The following OSBPL2 variants were observed in gnomAD, a reference collection of about 807,000 sequenced individuals.
OSBPL2 encodes the protein oxysterol binding protein like 2.
In OSBPL2, 18 loss-of-function variants were observed where a neutral mutation model predicts 58.4. The observed-to-expected ratio is 0.31, with a 90% CI of 0.21 to 0.46. OSBPL2 has a LOEUF of 0.46. Among genes scored for constraint, OSBPL2 ranks in the 20% least tolerant of loss-of-function variants. The pLI, the probability that OSBPL2 is intolerant of heterozygous loss-of-function variation, is 1.00. For missense variants in OSBPL2, 461 were observed against 616.5 expected, an observed-to-expected ratio of 0.75 and a Z score of 2.67; for synonymous variants, 221 against 234.1, an observed-to-expected ratio of 0.94 and a Z score of 0.51.
intron 1 of OSBPL2, among the ~76,000 whole-genome samples, chr20:62,245,653 T>G (rs1980054936): frequency 6.6e-6 from 1 of 152,220 alleles, no homozygotes; most frequent in African/African-American, 2.4e-5. Flanking sequence ...AAGGTCACTC[T>G]TGATTCCATC....
chr20:62,279,180 T>C lies in OSBPL2; in HGVS notation c.515T>C (p.Ile172Thr). Residue 172 changes from isoleucine to threonine, a missense_variant, in exon 7 of 14, where the codon ATA becomes ACA. Physicochemically the swap from Ile to Thr is moderately conservative, Grantham distance 89. Around this residue, in one of 5 missense-constraint regions of OSBPL2, gnomAD observed 319 missense variants for 419.2 expected, o/e 0.76. Transcript: ENST00000313733. ...AGGGAAGATTTAGGATTCAGATTTA[T>C]ATCGGAACAGGTCAGTCACCACCCC... Reference protein sequence around the residue: ...LIREDLGFRFISEQVSHHPPI... With the variant: ...LIREDLGFRFTSEQVSHHPPI... 1 of 1,613,330 alleles carries C rather than the reference T, an allele frequency of 6.2e-7. No homozygotes were observed. Among genetic ancestry groups the C allele is most frequent in the Non-Finnish European group, 8.5e-7 (1 of 1,179,598 alleles).
At chr20:62,250,822 G>GGC (rs1454163325) in intron 1 of OSBPL2, among the ~76,000 whole-genome samples, 2 of 152,222 alleles carry the variant, frequency 1.3e-5, no homozygotes, top group African/African-American at 4.8e-5. Flanking sequence ...CTACTCAGGA[G>GGC]GCGGGGGTGG....
chr20:62,273,244 G>T, intron 5 of OSBPL2, 65 bp from the exon 6 acceptor site: 1 of 1,299,784 alleles, frequency 7.7e-7, no homozygotes, highest in African/African-American at 1.5e-5. Context: ...CTCCACAAGA[G>T]GCCATCTTCT....
chr20:62,258,321 C>CCTGA (rs1171996950), intron 2 of OSBPL2, among the ~76,000 whole-genome samples: 2 of 152,150 alleles, frequency 1.3e-5, no homozygotes, highest in Non-Finnish European at 2.9e-5. Context: ...ACTCCTTCAC[C>CCTGA]GCCTATAATA....
At chr20:62,239,298 T>C (rs1261491600) in intron 1 of OSBPL2, among the ~76,000 whole-genome samples, 1 of 152,210 alleles carries the variant, frequency 6.6e-6, no homozygotes, top group Non-Finnish European at 1.5e-5. Flanking sequence ...TTTTAAGAGG[T>C]TCCTTCTTTC....
At chr20:62,282,686 G>C (rs1253191471) in intron 9 of OSBPL2, among the ~76,000 whole-genome samples, 1 of 152,170 alleles carries the variant, frequency 6.6e-6, no homozygotes, top group African/African-American at 2.4e-5. Context: ...AATTAGCCAG[G>C]TGTGATGGCG....
At chr20:62,258,877 G>T (rs958652890) in intron 2 of OSBPL2, 3 of 152,224 alleles carry the variant, frequency 2.0e-5, no homozygotes, top group Non-Finnish European at 2.9e-5. Flanking sequence ...AGATGGCAGG[G>T]TATTTCAGAA....
intron 1 of OSBPL2, among the ~76,000 whole-genome samples, chr20:62,248,591 T>C (rs1188439032): frequency 6.6e-6 from 1 of 152,236 alleles, no homozygotes; most frequent in Non-Finnish European, 1.5e-5. Flanking sequence ...CAACATGTAA[T>C]TGAACTTCCA....
chr20:62,287,111 A>C (rs1375321427), intron 11 of OSBPL2, among the ~76,000 whole-genome samples: 1 of 152,208 alleles, frequency 6.6e-6, no homozygotes, highest in Non-Finnish European at 1.5e-5. Flanking sequence ...CTGTTTGGGG[A>C]GATTGCTTTC....
At chr20:62,258,818 G>C (rs1836019069) in intron 2 of OSBPL2, 1 of 152,252 alleles carries the variant, frequency 6.6e-6, no homozygotes. Flanking sequence ...GATAACTTCA[G>C]AGTGAGAAGT....
chr20:62,248,155 C>CTTTTTTTTTTT (rs11470491), intron 1 of OSBPL2, among the ~76,000 whole-genome samples: 2 of 118,856 alleles, frequency 1.7e-5, no homozygotes, highest in African/African-American at 6.4e-5. Flanking sequence ...CTTTTCTTTT[C>CTTTTTTTTTTT]TTTTTTTTTT....
Position 62,294,001 on chromosome 20 carries a change from C to T in OSBPL2, c.*114C>T, listed in dbSNP as rs758143925. ...CCAACTTTTCTAACGACTGAGTTCG[C>T]GGAGATAGCATCATCCCTGATCAAG... On this transcript the variant is annotated 3_prime_UTR_variant, in exon 14 of 14. Coordinates refer to ENST00000313733, the MANE Select transcript of OSBPL2 (RefSeq NM_144498.4). 1.5e-5 allele frequency: 20 copies of T among 1,364,030 alleles called. No homozygotes were observed. The highest frequency in any genetic ancestry group is 1.0e-4 in the South Asian group (7 of 68,912). 84.5% of individuals were successfully genotyped at this position (1,364,030 alleles called of 1,614,324 possible).
intron 1 of OSBPL2, among the ~76,000 whole-genome samples, chr20:62,252,150 C>A (rs547183983): frequency 3.3e-5 from 5 of 152,012 alleles, no homozygotes; most frequent in Non-Finnish European, 5.9e-5. Flanking sequence ...TCCCAAAGTG[C>A]TGAGTTTACA....
intron 1 of OSBPL2, among the ~76,000 whole-genome samples, chr20:62,255,420 C>G (rs144344071): frequency 2.0e-5 from 3 of 152,236 alleles, no homozygotes; most frequent in African/African-American, 4.8e-5. Flanking sequence ...GCGCCCATGA[C>G]TTTTCCCAAA....
intron 1 of OSBPL2, among the ~76,000 whole-genome samples, chr20:62,252,254 A>G (rs1980606580): frequency 6.6e-6 from 1 of 152,030 alleles, no homozygotes; most frequent in Non-Finnish European, 1.5e-5. Flanking sequence ...CACATGTAAC[A>G]TGTACGATAG....
rs1421504141 is a variant in OSBPL2, at chr20:62,284,159, A to G, written c.986A>G (p.Lys329Arg). The G allele has an allele frequency of 1.2e-6, 2 of 1,614,070 alleles. No individual in the cohort carries two copies. The highest frequency in any genetic ancestry group is 1.7e-5 in the Admixed American group (1 of 60,012). The change falls in exon 10 of 14, where the codon AAG becomes AGG. Residue 329 changes from lysine (K) to arginine (R), a missense_variant. This residue lies in a region of OSBPL2 where 319 missense variants were observed against 419.2 expected (regional missense o/e 0.76). Coordinates refer to ENST00000313733, the MANE Select transcript of OSBPL2 (RefSeq NM_144498.4). ...GAGAGGAGAGGTGACCACCTGAGAA[A>G]GGCCAAGCTGGTAAGGGCTGGGGCG... ...KQERRGDHLR[K>R]AKLDEDSGKA...
At chr20:62,287,008 C>T (rs953093101) in intron 11 of OSBPL2, among the ~76,000 whole-genome samples, 21 of 152,326 alleles carry the variant, frequency 1.4e-4, no homozygotes, top group African/African-American at 5.1e-4. Context: ...CAGAGCTGCC[C>T]GCCGGGCACA....
At chr20:62,275,889 T>C (rs1982356833) in intron 6 of OSBPL2, among the ~76,000 whole-genome samples, 1 of 150,910 alleles carries the variant, frequency 6.6e-6, no homozygotes, top group African/African-American at 2.4e-5. Flanking sequence ...TTATTGTATT[T>C]TATGTGTTAT....
chr20:62,243,080 A>G (rs1979838499), intron 1 of OSBPL2, among the ~76,000 whole-genome samples: 1 of 152,172 alleles, frequency 6.6e-6, no homozygotes, highest in African/African-American at 2.4e-5. Flanking sequence ...AGCAACTTCC[A>G]TTATTGCCTT....
Sources: allele counts gnomAD v4.1 joint callset (sites outside exome capture counted in the v4.1 genomes callset), GRCh38; gene constraint gnomAD v4.1.1; regional missense constraint gnomAD v4.1.1; transcripts MANE v1.5; gene names NCBI Gene and HGNC (gene_info 2026-07-23, HGNC 2026-07-21).